CNTNAP2: variants seen among roughly 807,000 people sequenced by gnomAD.
The protein encoded by CNTNAP2 is contactin-associated protein-like 2.
Under a neutral mutation model 155.2 loss-of-function variants are expected in CNTNAP2, and 98 were observed. That is an observed-to-expected ratio of 0.63 (90% confidence interval 0.54 to 0.75). The LOEUF (loss-of-function observed/expected upper bound fraction) is 0.75. Ranked by LOEUF, CNTNAP2 falls within the 30% of genes least tolerant of loss-of-function variation. The pLI is 0.00. For synonymous variants in CNTNAP2, 651 were observed against 631.2 expected, an observed-to-expected ratio of 1.03 and a Z score of -0.47; for missense variants, 1,727 against 1,688.1, an observed-to-expected ratio of 1.02 and a Z score of -0.40.
At chr7:147,902,612 G>A (rs1799888141) in intron 13 of CNTNAP2, among the ~76,000 whole-genome samples, 1 of 152,060 alleles carries the variant, frequency 6.6e-6, no homozygotes, top group Non-Finnish European at 1.5e-5. Flanking sequence ...TTCTGCCTTT[G>A]CATCCTCATA....
At chr7:148,406,297 G>A (rs1183693405) in intron 22 of CNTNAP2, among the ~76,000 whole-genome samples, 2 of 152,034 alleles carry the variant, frequency 1.3e-5, no homozygotes, top group African/African-American at 4.8e-5. Context: ...GAAAAAGGAG[G>A]TCAGGAAATT....
At chr7:146,364,446 AT>A (rs1330285610) in intron 1 of CNTNAP2, among the ~76,000 whole-genome samples, 2 of 152,044 alleles carry the variant, frequency 1.3e-5, no homozygotes, top group East Asian at 1.9e-4. Context: ...GTACTTATCT[AT>A]TTTTTTCAAT....
In CNTNAP2 at chr7:147,526,929, G is replaced by T. The variant is rs143324841; in HGVS notation, c.1778-35209G>T. ...CGGATTAAGTTTTTCTGTCATTAAG[G>T]CACCATTAACTATTAGAACAGGTTA... On this transcript the variant is annotated intron_variant, in intron 11 of 23. Coordinates refer to ENST00000361727, the MANE Select transcript of CNTNAP2 (RefSeq NM_014141.6). Among the ~76,000 whole-genome samples, 1,091 of 151,334 alleles carry T rather than the reference G, an allele frequency of 7.2e-3. 23 individuals carry two copies. The highest frequency in any genetic ancestry group is 0.024 in the African/African-American group (981 of 41,078).
chr7:146,664,778 T>C (rs2533085), intron 1 of CNTNAP2, among the ~76,000 whole-genome samples: 122,465 of 151,540 alleles, frequency 0.81, 50,080 homozygotes, highest in South Asian at 0.91. Flanking sequence ...TCAAGTTTAC[T>C]TTTTTGCAAG....
At chr7:146,378,167 A>C (rs2129104206) in intron 1 of CNTNAP2, among the ~76,000 whole-genome samples, 1 of 152,312 alleles carries the variant, frequency 6.6e-6, no homozygotes, top group East Asian at 1.9e-4. Context: ...GGAGGGCAAT[A>C]CAGGAAATAA....
At chr7:146,942,099 T>C (rs1393107793) in intron 3 of CNTNAP2, among the ~76,000 whole-genome samples, 1 of 152,142 alleles carries the variant, frequency 6.6e-6, no homozygotes, top group Non-Finnish European at 1.5e-5. Flanking sequence ...TCTTTTAATA[T>C]TTCTCTTTCC....
chr7:147,923,708 A>G (rs1472116337), intron 14 of CNTNAP2, among the ~76,000 whole-genome samples: 2 of 150,986 alleles, frequency 1.3e-5, no homozygotes, highest in East Asian at 1.9e-4. Flanking sequence ...ATTTCTAGAG[A>G]TTTTCCTTTG....
chr7:148,315,990 G>C (rs140083675), intron 21 of CNTNAP2, among the ~76,000 whole-genome samples: 1 of 151,702 alleles, frequency 6.6e-6, no homozygotes, highest in African/African-American at 2.4e-5. Flanking sequence ...ACTTTTTGCC[G>C]GACTTAGTAC....
At chr7:147,680,143 AC>A (rs1795926059) in intron 13 of CNTNAP2, among the ~76,000 whole-genome samples, 1 of 152,038 alleles carries the variant, frequency 6.6e-6, no homozygotes, top group South Asian at 2.1e-4. Context: ...CAGATCAGAA[AC>A]AAAAAATGTG....
chr7:147,684,902 G>C (rs959878711), intron 13 of CNTNAP2, among the ~76,000 whole-genome samples: 2 of 151,766 alleles, frequency 1.3e-5, no homozygotes, highest in African/African-American at 4.8e-5. Flanking sequence ...TGAGCACAAA[G>C]CATTTGAATT....
At chr7:147,927,377 CT>C (rs1800414302) in intron 14 of CNTNAP2, among the ~76,000 whole-genome samples, 1 of 151,950 alleles carries the variant, frequency 6.6e-6, no homozygotes, top group African/African-American at 2.4e-5. Flanking sequence ...AAATAGGGTT[CT>C]TTTTAAAGTT....
chr7:147,783,811 C>T (rs1369852760), intron 13 of CNTNAP2, among the ~76,000 whole-genome samples: 2 of 152,180 alleles, frequency 1.3e-5, no homozygotes, highest in Non-Finnish European at 2.9e-5. Flanking sequence ...AGGCTGCTGT[C>T]TGTGCAACAG....
Position 148,420,900 on chromosome 7 carries a change from T to A in CNTNAP2, c.*5284T>A, listed in dbSNP as rs1325550245. On this transcript the variant is annotated 3_prime_UTR_variant, in exon 24 of 24. Coordinates refer to ENST00000361727, the MANE Select transcript of CNTNAP2 (RefSeq NM_014141.6). ...ATGAAAGAAGGAAATTATGTACGTATGCCTAATATTCTTTGTGAATGTCTT... is the reference window on the plus strand; with the variant it reads ...ATGAAAGAAGGAAATTATGTACGTAAGCCTAATATTCTTTGTGAATGTCTT... 6.5e-6 allele frequency: 1 copy of A among 152,688 alleles called. No homozygotes were observed. Among genetic ancestry groups the A allele is most frequent in the Non-Finnish European group, 1.5e-5 (1 of 68,050 alleles). 9.5% of individuals were successfully genotyped at this position (152,688 alleles called of 1,614,324 possible). A position where few individuals can be genotyped will look rare whatever the true frequency, so the allele number is the denominator to read the frequency against.
intron 1 of CNTNAP2, among the ~76,000 whole-genome samples, chr7:146,356,536 A>G (rs1238297886): frequency 6.6e-6 from 1 of 152,186 alleles, no homozygotes; most frequent in Non-Finnish European, 1.5e-5. Flanking sequence ...AGTGTAAGAC[A>G]GTGGAATCAA....
chr7:147,483,937 G>T (rs1246450610), intron 10 of CNTNAP2, among the ~76,000 whole-genome samples: 1 of 152,138 alleles, frequency 6.6e-6, no homozygotes, highest in South Asian at 2.1e-4. Context: ...CGCCTATTCT[G>T]CTAGGAATGA....
intron 1 of CNTNAP2, among the ~76,000 whole-genome samples, chr7:146,273,086 A>G (rs2693301): frequency 0.027 from 3,795 of 138,104 alleles, 191 homozygotes; most frequent in African/African-American, 0.1. Flanking sequence ...GAGAAAGAGA[A>G]AGAGAGAGAG....
At chr7:146,662,672 C>A (rs761042262) in intron 1 of CNTNAP2, among the ~76,000 whole-genome samples, 29 of 79,994 alleles carry the variant, frequency 3.6e-4, no homozygotes, top group Non-Finnish European at 1.0e-3. Context: ...TATAAAATAT[C>A]TTTGTGTAAA....
chr7:146,480,678 T>A (rs200620889), intron 1 of CNTNAP2, among the ~76,000 whole-genome samples: 4,014 of 139,364 alleles, frequency 0.029, 129 homozygotes, highest in African/African-American at 0.091. Context: ...ATATATATTT[T>A]TTTTTTTCCT....
chr7:148,277,570 C>T (rs1268816507), intron 21 of CNTNAP2, among the ~76,000 whole-genome samples: 1 of 150,542 alleles, frequency 6.6e-6, no homozygotes, highest in Non-Finnish European at 1.5e-5. Flanking sequence ...GCTTGGCTGC[C>T]CCATGTTAGT....
Sources: allele counts gnomAD v4.1 joint callset (sites outside exome capture counted in the v4.1 genomes callset), GRCh38; gene constraint gnomAD v4.1.1; transcripts MANE v1.5; gene names NCBI Gene and HGNC (gene_info 2026-07-23, HGNC 2026-07-21).